ROBO1: variants seen among roughly 807,000 people sequenced by gnomAD.
The protein encoded by ROBO1 is roundabout homolog 1.
ROBO1 carries 149 observed loss-of-function variants against 195.9 expected under a neutral mutation model. That is an observed-to-expected ratio of 0.76 (90% CI 0.67 to 0.87). ROBO1 has a LOEUF of 0.87. Ranked by LOEUF, ROBO1 falls within the 40% of genes least tolerant of loss-of-function variation. The pLI, the probability that ROBO1 is intolerant of heterozygous loss-of-function variation, is 0.00. For missense variants in ROBO1, 1,933 were observed against 2,068.3 expected, an observed-to-expected ratio of 0.93 and a Z score of 1.27; for synonymous variants, 816 against 733.2, an observed-to-expected ratio of 1.11 and a Z score of -1.82.
chr3:79,548,958 A>C (rs1470869323), intron 2 of ROBO1, among the ~76,000 whole-genome samples: 3 of 152,168 alleles, frequency 2.0e-5, no homozygotes, highest in Non-Finnish European at 4.4e-5. Context: ...TCCTCAGTAG[A>C]GAATCTGGGG....
At position 79,753,225 on chromosome 3, in the gene ROBO1, CACTT is replaced by C. The variant is rs139144578; in HGVS notation, c.-51+14523_-51+14526del. Among the ~76,000 whole-genome samples the C allele has an allele frequency of 9.2e-3, 1,401 of 152,020 alleles. 25 individuals carry two copies. Among genetic ancestry groups the C allele is most frequent in the African/African-American group, 0.033 (1,352 of 41,470 alleles). ...CTAAATTACTTTTTAAAAATATTAA[CACTT>C]AGTTCACATTCCCAGCAATTCTGAT... On this transcript the variant is annotated intron_variant, in intron 1 of 30. Transcript: ENST00000464233.
intron 3 of ROBO1, among the ~76,000 whole-genome samples, chr3:79,112,362 G>T (rs1416654308): frequency 6.6e-6 from 1 of 152,044 alleles, no homozygotes; most frequent in African/African-American, 2.4e-5. Context: ...TTTGTTCTTT[G>T]TTGGCTAGGG....
intron 3 of ROBO1, among the ~76,000 whole-genome samples, chr3:78,972,432 T>C (rs951193888): frequency 6.6e-6 from 1 of 152,188 alleles, no homozygotes; most frequent in Admixed American, 6.5e-5. Context: ...TTTTGAGAAT[T>C]TGATGATATA....
intron 2 of ROBO1, among the ~76,000 whole-genome samples, chr3:79,309,554 C>T (rs2033385604): frequency 6.6e-6 from 1 of 151,990 alleles, no homozygotes; most frequent in Non-Finnish European, 1.5e-5. Flanking sequence ...TACAGTAAGC[C>T]ATGATAGCAC....
chr3:79,162,567 C>A (rs1303593053), intron 2 of ROBO1, among the ~76,000 whole-genome samples: 1 of 152,110 alleles, frequency 6.6e-6, no homozygotes, highest in Non-Finnish European at 1.5e-5. Context: ...AATCCAAAAT[C>A]TCAGTGTTCA....
At chr3:78,964,998 T>A (rs1423832199) in intron 3 of ROBO1, among the ~76,000 whole-genome samples, 1 of 151,920 alleles carries the variant, frequency 6.6e-6, no homozygotes, top group African/African-American at 2.4e-5. Flanking sequence ...CAAAAAATAT[T>A]GTCAATTTAA....
intron 2 of ROBO1, among the ~76,000 whole-genome samples, chr3:79,164,123 G>C (rs2081021374): frequency 6.6e-6 from 1 of 152,080 alleles, no homozygotes; most frequent in South Asian, 2.1e-4. Flanking sequence ...GTCCAAGGGT[G>C]GGGGAACTAA....
At chr3:79,467,506 G>C (rs553348672) in intron 2 of ROBO1, among the ~76,000 whole-genome samples, 2 of 151,792 alleles carry the variant, frequency 1.3e-5, no homozygotes, top group East Asian at 4.0e-4. Flanking sequence ...AGGCATGATA[G>C]AGAAGGAGAG....
At chr3:79,335,767 T>C (rs1468621322) in intron 2 of ROBO1, among the ~76,000 whole-genome samples, 1 of 152,132 alleles carries the variant, frequency 6.6e-6, no homozygotes, top group Admixed American at 6.6e-5. Flanking sequence ...CTTTGGGAAC[T>C]GGGTAACAGG....
At chr3:79,069,644 G>T (rs1014187604) in intron 3 of ROBO1, among the ~76,000 whole-genome samples, 26 of 151,876 alleles carry the variant, frequency 1.7e-4, no homozygotes, top group African/African-American at 6.3e-4. Flanking sequence ...CATTTGCAAA[G>T]AGAAGCAGTA....
chr3:79,492,845 TG>T (rs1010450295), intron 2 of ROBO1, among the ~76,000 whole-genome samples: 10 of 152,060 alleles, frequency 6.6e-5, no homozygotes, highest in Non-Finnish European at 1.5e-4. Flanking sequence ...TCAAAATAAT[TG>T]CTTGCTAAAA....
chr3:79,353,369 C>T (rs913690912), intron 2 of ROBO1, among the ~76,000 whole-genome samples: 2 of 149,548 alleles, frequency 1.3e-5, no homozygotes, highest in East Asian at 4.0e-4. Flanking sequence ...GAATTAACCT[C>T]AAAAAAAGAA....
intron 4 of ROBO1, among the ~76,000 whole-genome samples, chr3:78,871,757 A>AAAG (rs1278155191): frequency 6.6e-6 from 1 of 151,486 alleles, no homozygotes; most frequent in Non-Finnish European, 1.5e-5. Flanking sequence ...AAAAAAAAAA[A>AAAG]AAAAGAATTT....
chr3:78,961,564 A>G (rs907658531), intron 3 of ROBO1, among the ~76,000 whole-genome samples: 1 of 152,184 alleles, frequency 6.6e-6, no homozygotes, highest in African/African-American at 2.4e-5. Context: ...AGTACCCACA[A>G]CATTCTGAAG....
chr3:79,070,879 A>G (rs2079076188), intron 3 of ROBO1, among the ~76,000 whole-genome samples: 1 of 151,578 alleles, frequency 6.6e-6, no homozygotes, highest in Non-Finnish European at 1.5e-5. Context: ...TTTTGACTCT[A>G]TAGCTAATTC....
At position 79,512,429 on chromosome 3, in the gene ROBO1, T is replaced by A. The variant is rs532234890; in HGVS notation, c.88+77395A>T. On this transcript the variant is annotated intron_variant, in intron 2 of 30. Transcript: ENST00000464233. ...ATTTTGGTTTACAATTTGCAAAGGA[T>A]CTTACATACAGTAACTAATTTGGTT... Among the ~76,000 whole-genome samples the A allele has an allele frequency of 6.6e-5, 10 of 152,298 alleles. No homozygotes were observed. In the South Asian group the frequency reaches 1.9e-3, roughly 28 times the overall value.
intron 8 of ROBO1, among the ~76,000 whole-genome samples, chr3:78,699,341 G>C (rs182665387): frequency 2.0e-5 from 3 of 147,164 alleles, no homozygotes; most frequent in Non-Finnish European, 4.4e-5. Context: ...TTTGAGGTTA[G>C]GAGTTCAAAA....
intron 1 of ROBO1, among the ~76,000 whole-genome samples, chr3:79,668,788 A>G (rs1223086693): frequency 6.6e-6 from 1 of 151,854 alleles, no homozygotes. Flanking sequence ...GAGTTTTATA[A>G]TTTGAATGGG....
chr3:79,403,769 A>C (rs2037449306), intron 2 of ROBO1, among the ~76,000 whole-genome samples: 2 of 152,046 alleles, frequency 1.3e-5, no homozygotes, highest in South Asian at 4.1e-4. Context: ...AAAGAAAAAA[A>C]ATGATGTAGA....
Sources: allele counts gnomAD v4.1 joint callset (sites outside exome capture counted in the v4.1 genomes callset), GRCh38; gene constraint gnomAD v4.1.1; transcripts MANE v1.5; gene names NCBI Gene and HGNC (gene_info 2026-07-23, HGNC 2026-07-21).